Variants in RNGTT observed in about 807,000 individuals in gnomAD.
RNGTT encodes mRNA-capping enzyme.
RNGTT carries 33 observed loss-of-function variants against 79.3 expected under a neutral mutation model. That is an observed-to-expected ratio of 0.42 (90% CI 0.32 to 0.56). The LOEUF is 0.56. Among genes scored for constraint, RNGTT ranks in the 20% least tolerant of loss-of-function variants. The pLI is 0.17. For missense variants in RNGTT, 497 were observed against 739.1 expected (o/e 0.67, Z 3.80); for synonymous variants, 222 against 235.9 (o/e 0.94, Z 0.54).
intron 8 of RNGTT, among the ~76,000 whole-genome samples, chr6:88,873,777 A>G (rs1782428350): frequency 6.6e-6 from 1 of 152,162 alleles, no homozygotes; most frequent in South Asian, 2.1e-4. Context: ...ATAAGACCAG[A>G]ATCACAAGGC....
rs572959707 is a variant in RNGTT, at chr6:88,760,888, T to C, written c.1439+8886A>G. On this transcript the variant is annotated intron_variant, in intron 13 of 15. Coordinates refer to ENST00000369485, the MANE Select transcript of RNGTT (RefSeq NM_003800.5). The stretch of plus-strand genomic sequence containing the variant: ...TGAGAAAACGATTTTTTTTTTTTTT[T>C]CCCAGAGATGAGATCTTGCTGTATT... Among the ~76,000 whole-genome samples, 361 of 147,928 alleles carry C rather than the reference T, an allele frequency of 2.4e-3. 6 individuals are homozygous for C. The highest frequency in any genetic ancestry group is 7.8e-3 in the African/African-American group (312 of 39,990).
intron 8 of RNGTT, among the ~76,000 whole-genome samples, chr6:88,865,906 T>C (rs1290380163): frequency 6.6e-6 from 1 of 152,104 alleles, no homozygotes; most frequent in East Asian, 1.9e-4. Context: ...CTCATTAAAA[T>C]AAAGATTAGT....
At chr6:88,916,934 T>C (rs2127948414) in intron 4 of RNGTT, among the ~76,000 whole-genome samples, 1 of 152,310 alleles carries the variant, frequency 6.6e-6, no homozygotes, top group Middle Eastern at 3.4e-3. Context: ...AAAACAACCT[T>C]GATGTGATTG....
At chr6:88,963,134 C>A (rs1448052762) in intron 1 of RNGTT, among the ~76,000 whole-genome samples, 2 of 152,168 alleles carry the variant, frequency 1.3e-5, no homozygotes, top group African/African-American at 4.8e-5. Flanking sequence ...GCACAGTTAG[C>A]CTTGCAGGAA....
intron 14 of RNGTT, among the ~76,000 whole-genome samples, chr6:88,635,950 GGT>G (rs1208341576): frequency 1.1e-4 from 16 of 152,056 alleles, no homozygotes; most frequent in African/African-American, 3.9e-4. Flanking sequence ...TCTCTTCTTT[GGT>G]ACAGAAATGG....
chr6:88,617,259 G>A (rs1252643845), intron 14 of RNGTT, among the ~76,000 whole-genome samples: 2 of 152,294 alleles, frequency 1.3e-5, no homozygotes, highest in East Asian at 3.9e-4. Flanking sequence ...AAGAGAGGGA[G>A]ACTCCATCTC....
intron 2 of RNGTT, among the ~76,000 whole-genome samples, chr6:88,930,300 T>C (rs1359699521): frequency 6.6e-6 from 1 of 151,008 alleles, no homozygotes; most frequent in South Asian, 2.1e-4. Flanking sequence ...TCTGAAAATA[T>C]ACTGAAGCCT....
chr6:88,626,989 C>G (rs917719195), intron 14 of RNGTT, among the ~76,000 whole-genome samples: 1 of 151,960 alleles, frequency 6.6e-6, no homozygotes, highest in Non-Finnish European at 1.5e-5. Flanking sequence ...TCAATACATG[C>G]TTGGGATAAT....
chr6:88,652,231 T>C lies in RNGTT; in HGVS notation c.1506+26122A>G, dbSNP rs191131241. The stretch of plus-strand genomic sequence containing the variant: ...AGTAAAACTGTCAATATCCAAATGG[T>C]AACTTAATGCTGACTTCTATTTTCA... On this transcript the variant is annotated intron_variant, in intron 14 of 15. Coordinates refer to ENST00000369485, the MANE Select transcript of RNGTT (RefSeq NM_003800.5). Among the ~76,000 whole-genome samples, 277 of 152,268 alleles carry C rather than the reference T, an allele frequency of 1.8e-3. 3 individuals are homozygous for C. Among genetic ancestry groups the C allele is most frequent in the African/African-American group, 6.5e-3 (271 of 41,564 alleles).
chr6:88,943,757 G>C (rs917014545), intron 1 of RNGTT, among the ~76,000 whole-genome samples: 3 of 151,998 alleles, frequency 2.0e-5, no homozygotes, highest in Non-Finnish European at 4.4e-5. Flanking sequence ...GCTCTTTCAG[G>C]GTTCCCTTTC....
chr6:88,915,749 T>C (rs1279605096), intron 4 of RNGTT, among the ~76,000 whole-genome samples: 1 of 152,164 alleles, frequency 6.6e-6, no homozygotes, highest in South Asian at 2.1e-4. Context: ...CTGCTCATGT[T>C]ACCCACTGAA....
At chr6:88,956,484 A>G (rs559809338) in intron 1 of RNGTT, among the ~76,000 whole-genome samples, 2 of 152,334 alleles carry the variant, frequency 1.3e-5, no homozygotes, top group Admixed American at 6.5e-5. Context: ...ATTGCTACCA[A>G]TCTTACTGAA....
Position 88,705,527 on chromosome 6 carries a change from A to T in RNGTT, c.1440-27108T>A, listed in dbSNP as rs565376103. On this transcript the variant is annotated intron_variant, in intron 13 of 15. Coordinates refer to ENST00000369485, the MANE Select transcript of RNGTT (RefSeq NM_003800.5). ...GGAAATTTAAGGAAGGATTCCTATA[A>T]ATGAGATGACAGATGAAGCATAAAT... Among the ~76,000 whole-genome samples the T allele has an allele frequency of 3.2e-4, 49 of 152,266 alleles. No individual in the cohort carries two copies. The South Asian group carries it at 0.01, about 32-fold the overall frequency.
At chr6:88,661,938 T>C (rs2127782185) in intron 14 of RNGTT, among the ~76,000 whole-genome samples, 1 of 152,302 alleles carries the variant, frequency 6.6e-6, no homozygotes. Flanking sequence ...TGTAACTGAA[T>C]CCAACAGCAT....
chr6:88,881,662 T>C (rs1782697384), intron 8 of RNGTT, among the ~76,000 whole-genome samples: 1 of 152,218 alleles, frequency 6.6e-6, no homozygotes, highest in Non-Finnish European at 1.5e-5. Context: ...AGCCCTGCCA[T>C]ACCTGTCTCT....
intron 14 of RNGTT, among the ~76,000 whole-genome samples, chr6:88,665,022 C>T (rs565958027): frequency 6.6e-6 from 1 of 152,294 alleles, no homozygotes; most frequent in African/African-American, 2.4e-5. Context: ...CTGTACATCC[C>T]TGACTGCCCC....
At chr6:88,710,727 C>A (rs1776290018) in intron 13 of RNGTT, among the ~76,000 whole-genome samples, 2 of 152,154 alleles carry the variant, frequency 1.3e-5, no homozygotes, top group South Asian at 2.1e-4. Flanking sequence ...AAAATGACAT[C>A]AGTGAAAATA....
intron 13 of RNGTT, among the ~76,000 whole-genome samples, chr6:88,731,667 G>A (rs1195416214): frequency 6.6e-6 from 1 of 152,044 alleles, no homozygotes; most frequent in Non-Finnish European, 1.5e-5. Context: ...CAGGGCAAAA[G>A]GCAACCTACA....
At chr6:88,914,423 C>T (rs767241077) in intron 4 of RNGTT, among the ~76,000 whole-genome samples, 1 of 151,984 alleles carries the variant, frequency 6.6e-6, no homozygotes, top group Non-Finnish European at 1.5e-5. Context: ...GAGCATGGTA[C>T]TCCTACAAAA....
Sources: allele counts gnomAD v4.1 joint callset (sites outside exome capture counted in the v4.1 genomes callset), GRCh38; gene constraint gnomAD v4.1.1; transcripts MANE v1.5; gene names NCBI Gene and HGNC (gene_info 2026-07-23, HGNC 2026-07-21).